UNC13C: variants seen among roughly 807,000 people sequenced by gnomAD.
UNC13C encodes the protein protein unc-13 homolog C.
In UNC13C, 174 loss-of-function variants were observed where a neutral mutation model predicts 245.4. The ratio of observed to expected loss-of-function variants is 0.71; its 90% CI spans 0.63 to 0.80. UNC13C has a LOEUF of 0.80. Ranked by LOEUF, UNC13C falls within the 30% of genes least tolerant of loss-of-function variation. The probability of loss-of-function intolerance (pLI) is 0.00; values close to 1 mark genes in which losing one functional copy is unlikely to be tolerated. For synonymous variants in UNC13C, 992 were observed against 895.1 expected (o/e 1.11, Z -1.93); for missense variants, 2,829 against 2,602.9 (o/e 1.09, Z -1.89).
At chr15:54,050,854 T>C in intron 2 of UNC13C, 1 of 568,616 alleles carries the variant, frequency 1.8e-6, no homozygotes, top group Non-Finnish European at 3.5e-6. Context: ...TTGGTTCTCT[T>C]AAAAGAGATA....
intron 2 of UNC13C, among the ~76,000 whole-genome samples, chr15:54,046,665 T>C (rs1221485907): frequency 6.6e-6 from 1 of 151,952 alleles, no homozygotes; most frequent in Non-Finnish European, 1.5e-5. Context: ...TACTTTTTTA[T>C]TGTGGTAAAA....
At chr15:54,618,470 A>G (rs1223421634) in intron 30 of UNC13C, among the ~76,000 whole-genome samples, 7 of 152,198 alleles carry the variant, frequency 4.6e-5, no homozygotes, top group South Asian at 4.1e-4. Flanking sequence ...TTTGTTGAAT[A>G]AAGAATATGA....
chr15:54,507,152 T>C lies in UNC13C; in HGVS notation c.5337T>C (p.Ile1779=), dbSNP rs767078118. ...AAGTGCTGCTCCAGTATGCTGCAATTGTATCAAGTGATTTCAGTTCACATT... is the reference window on the plus strand; with the variant it reads ...AAGTGCTGCTCCAGTATGCTGCAATCGTATCAAGTGATTTCAGTTCACATT... ...INKVLLQYAA[I]VSSDFSSHCD... The change falls in exon 23 of 33, where the codon ATT becomes ATC. Residue 1779 remains isoleucine (I), a synonymous_variant. Transcript: ENST00000260323. 2.3e-5 allele frequency: 37 copies of C among 1,599,890 alleles called. No homozygotes were observed. Among genetic ancestry groups the C allele is most frequent in the Non-Finnish European group, 3.0e-5 (35 of 1,172,280 alleles).
At chr15:54,321,417 C>T (rs1002100321) in intron 13 of UNC13C, 2 of 495,564 alleles carry the variant, frequency 4.0e-6, no homozygotes, top group Non-Finnish European at 4.0e-6. Flanking sequence ...TGAGACAGCT[C>T]TCTTTGTTTC....
rs536586848 is a variant in UNC13C, at chr15:54,310,334, C to T, written c.4268+9961C>T. Among the ~76,000 whole-genome samples the T allele has an allele frequency of 5.5e-4, 83 of 151,962 alleles. No individual in the cohort carries two copies. In the South Asian group the frequency reaches 0.016, roughly 30 times the overall value. ...GAGAGAACCCATGCAAACTCAGAGGCGGACATCTTGCCAAATTGAACCTCC... is the reference window on the plus strand; with the variant it reads ...GAGAGAACCCATGCAAACTCAGAGGTGGACATCTTGCCAAATTGAACCTCC... On this transcript the variant is annotated intron_variant, in intron 13 of 32. Transcript: ENST00000260323.
intron 19 of UNC13C, among the ~76,000 whole-genome samples, chr15:54,460,218 T>G (rs1347237726): frequency 1.3e-5 from 2 of 152,190 alleles, no homozygotes; most frequent in African/African-American, 2.4e-5. Flanking sequence ...CTGTGGAATG[T>G]TTGTAAAGAG....
chr15:54,332,083 C>T lies in UNC13C; in HGVS notation c.4466C>T (p.Ser1489Phe), dbSNP rs2038451578. The change falls in exon 15 of 33, where the codon TCT (serine) becomes TTT (phenylalanine). Residue 1489 changes from serine (S) to phenylalanine (F), a missense_variant. By Grantham distance (155) the Ser-to-Phe change is radical. Transcript: ENST00000260323. Reference protein sequence around the residue: ...FIKLLDQLHNSLRIDLSKYRE... With the variant: ...FIKLLDQLHNFLRIDLSKYRE... ...AAACTACTGGACCAGTTACATAACT[C>T]TTTGAGGATTGATCTGTCAAAGTAT... 4.4e-6 allele frequency: 7 copies of T among 1,581,410 alleles called. No homozygotes were observed. The East Asian group carries it at 1.6e-4, about 36-fold the overall frequency.
At chr15:54,600,269 C>T (rs1254540897) in intron 30 of UNC13C, among the ~76,000 whole-genome samples, 1 of 152,028 alleles carries the variant, frequency 6.6e-6, no homozygotes, top group Non-Finnish European at 1.5e-5. Flanking sequence ...CTAAATTCCT[C>T]AAGAGTAGTG....
At chr15:53,929,142 C>T in the UNC13C span, among the ~76,000 whole-genome samples, 1 of 152,162 alleles carries the variant, frequency 6.6e-6, no homozygotes, top group South Asian at 2.1e-4. Context: ...AAAGCGAAGG[C>T]ACATCTTACA....
intron 19 of UNC13C, among the ~76,000 whole-genome samples, chr15:54,476,601 C>T (rs940708836): frequency 6.6e-6 from 1 of 151,818 alleles, no homozygotes; most frequent in Non-Finnish European, 1.5e-5. Context: ...TCAGGTTTGT[C>T]AAAGATCAGA....
intron 14 of UNC13C, among the ~76,000 whole-genome samples, chr15:54,325,752 T>C (rs978431890): frequency 6.6e-6 from 1 of 152,078 alleles, no homozygotes; most frequent in Non-Finnish European, 1.5e-5. Context: ...TATAACAACA[T>C]TCTGAAAGAA....
the UNC13C span, among the ~76,000 whole-genome samples, chr15:53,897,730 G>T: frequency 1.4e-4 from 21 of 152,160 alleles, no homozygotes; most frequent in Non-Finnish European, 2.8e-4. Flanking sequence ...TCCCTTAAAT[G>T]ACACTCTACG....
chr15:54,094,091 C>A (rs1440706360), intron 2 of UNC13C, among the ~76,000 whole-genome samples: 1 of 152,068 alleles, frequency 6.6e-6, no homozygotes, highest in African/African-American at 2.4e-5. Context: ...TGAGTGGAGG[C>A]AGCAATGCAA....
chr15:53,883,950 C>G, the UNC13C span, among the ~76,000 whole-genome samples: 1 of 152,172 alleles, frequency 6.6e-6, no homozygotes, highest in African/African-American at 2.4e-5. Context: ...AAAATTCCTA[C>G]AGAAAGTCTG....
the UNC13C span, among the ~76,000 whole-genome samples, chr15:53,925,801 A>C: frequency 5.9e-5 from 9 of 152,290 alleles, no homozygotes; most frequent in South Asian, 1.9e-3. Context: ...ATCTATTTTT[A>C]AAGAAAGATC....
chr15:54,234,214 T>C (rs2035627802), intron 4 of UNC13C, among the ~76,000 whole-genome samples: 1 of 148,622 alleles, frequency 6.7e-6, no homozygotes, highest in Non-Finnish European at 1.5e-5. Flanking sequence ...AACATATATA[T>C]ATAAGTTTAG....
chr15:54,500,140 C>A lies in UNC13C; in HGVS notation c.5122C>A (p.Leu1708Ile), dbSNP rs7497814. The A allele has an allele frequency of 3.1e-6, 5 of 1,611,038 alleles. No homozygotes were observed. The highest frequency in any genetic ancestry group is 3.4e-6 in the Non-Finnish European group (4 of 1,178,960). The part of the protein sequence containing the change: ...DENEDVSMEF[L>I]HGALGRDKKD... The stretch of plus-strand genomic sequence containing the variant: ...AAACGAAGATGTGTCAATGGAATTC[C>A]TTCATGGAGCACTGGGAAGAGACAA... Residue 1708 changes from leucine (L) to isoleucine (I), a missense_variant, in exon 21 of 33, where the codon CTT becomes ATT. Coordinates refer to ENST00000260323, the MANE Select transcript of UNC13C (RefSeq NM_001080534.3).
chr15:54,038,124 A>ATATATTTTTTTT, intron 2 of UNC13C, among the ~76,000 whole-genome samples: 69 of 45,012 alleles, frequency 1.5e-3, no homozygotes, highest in Non-Finnish European at 1.7e-3. Context: ...ATATATATAT[A>ATATATTTTTTTT]TTTTTTTTTT....
At chr15:53,905,723 A>T in the UNC13C span, among the ~76,000 whole-genome samples, 1 of 152,126 alleles carries the variant, frequency 6.6e-6, no homozygotes, top group African/African-American at 2.4e-5. Flanking sequence ...ACTATAGCTT[A>T]CTGCATTCTA....
Sources: allele counts gnomAD v4.1 joint callset (sites outside exome capture counted in the v4.1 genomes callset), GRCh38; gene constraint gnomAD v4.1.1; transcripts MANE v1.5; gene names NCBI Gene and HGNC (gene_info 2026-07-23, HGNC 2026-07-21).